The following FILIP1L variants were observed in gnomAD, a reference collection of about 807,000 sequenced individuals.
FILIP1L encodes filamin A-interacting protein 1-like.
FILIP1L carries 55 observed loss-of-function variants against 96.6 expected under a neutral mutation model. The observed-to-expected ratio is 0.57, with a 90% CI of 0.46 to 0.71. The LOEUF (loss-of-function observed/expected upper bound fraction) is 0.71, where lower values mean the gene tolerates loss of function less well. Among genes scored for constraint, FILIP1L ranks in the 30% least tolerant of loss-of-function variants. FILIP1L has a pLI of 0.00. For missense variants in FILIP1L, 1,304 were observed against 1,321.2 expected (o/e 0.99, Z 0.20); for synonymous variants, 467 against 473.9 (o/e 0.99, Z 0.19).
At chr3:99,946,266 T>A (rs1007988298) in intron 1 of FILIP1L, among the ~76,000 whole-genome samples, 1 of 152,204 alleles carries the variant, frequency 6.6e-6, no homozygotes, top group African/African-American at 2.4e-5. Context: ...GCTTTAAAGT[T>A]TTCTGAATTT....
chr3:99,876,086 C>G (rs982639575), intron 4 of FILIP1L: 59 of 986,350 alleles, frequency 6.0e-5, no homozygotes, highest in Non-Finnish European at 1.4e-5. Flanking sequence ...ACTGCCTGCG[C>G]CGGGGCCGGG....
At chr3:99,989,004 A>T (rs1007640755) in intron 1 of FILIP1L, among the ~76,000 whole-genome samples, 1 of 152,174 alleles carries the variant, frequency 6.6e-6, no homozygotes, top group African/African-American at 2.4e-5. Context: ...TACATTTTTT[A>T]TGGACTTCAA....
intron 1 of FILIP1L, chr3:100,109,848 T>C (rs919011033): frequency 6.6e-6 from 1 of 151,282 alleles, no homozygotes; most frequent in Non-Finnish European, 1.5e-5. Context: ...AACTCAGGAA[T>C]CATTGAAGGA....
intron 1 of FILIP1L, among the ~76,000 whole-genome samples, chr3:99,935,079 A>G (rs950578603): frequency 2.6e-5 from 4 of 152,204 alleles, no homozygotes; most frequent in African/African-American, 7.2e-5. Flanking sequence ...GTAATGAGAA[A>G]TAATTAAGTA....
intron 1 of FILIP1L, chr3:100,051,089 A>G (rs2065364074): frequency 6.6e-6 from 1 of 152,194 alleles, no homozygotes; most frequent in Non-Finnish European, 1.5e-5. Flanking sequence ...TTTTTAAACC[A>G]TCATTTGAAT....
Position 99,930,003 on chromosome 3 carries a change from T to C in FILIP1L, c.279A>G (p.Leu93=). The change falls in exon 3 of 6, where the codon TTA becomes TTG. Residue 93 remains leucine, a synonymous_variant. Coordinates refer to ENST00000477258, the MANE Select transcript of FILIP1L (RefSeq NM_001387850.1). ...AAGCCAGGTCCATTTTTTCAGCCTT[T>C]AAAATGCCTATGACCTCATCTCGAG... The part of the protein sequence containing the change: ...LQARDEVIGI[L]KAEKMDLALL... 6.2e-7 allele frequency: 1 copy of C among 1,613,606 alleles called. No individual in the cohort carries two copies. Among genetic ancestry groups the C allele is most frequent in the South Asian group, 1.1e-5 (1 of 90,996 alleles).
chr3:99,946,902 A>C lies in FILIP1L; in HGVS notation c.-10-15872T>G, dbSNP rs146499342. 4.1e-3 allele frequency among the ~76,000 whole-genome samples: 630 copies of C among 152,262 alleles called. 8 individuals are homozygous for C. The highest frequency in any genetic ancestry group is 0.014 in the African/African-American group (602 of 41,536). On this transcript the variant is annotated intron_variant, in intron 1 of 5. Coordinates refer to ENST00000477258, the MANE Select transcript of FILIP1L (RefSeq NM_001387850.1). ...TCATTTGTTGCACAGGTGCTAACAG[A>C]GGTGGGCGGATCTCCTGAGGTCTGG...
At chr3:100,010,629 T>C (rs1710119646) in intron 1 of FILIP1L, among the ~76,000 whole-genome samples, 2 of 151,634 alleles carry the variant, frequency 1.3e-5, no homozygotes, top group Non-Finnish European at 2.9e-5. Flanking sequence ...TTTTTTTGTT[T>C]TTGGAGATGG....
intron 1 of FILIP1L, among the ~76,000 whole-genome samples, chr3:99,937,317 T>C (rs1707710105): frequency 6.6e-6 from 1 of 152,250 alleles, no homozygotes; most frequent in African/African-American, 2.4e-5. Flanking sequence ...GTGAGTAACA[T>C]AAATTCACAA....
At chr3:99,883,845 G>C (rs1359664235) in intron 4 of FILIP1L, among the ~76,000 whole-genome samples, 2 of 152,216 alleles carry the variant, frequency 1.3e-5, no homozygotes, top group East Asian at 3.8e-4. Flanking sequence ...CTGAGGAACA[G>C]AGAGGTTAGG....
At chr3:99,909,347 G>T (rs1191929807) in intron 4 of FILIP1L, among the ~76,000 whole-genome samples, 1 of 152,152 alleles carries the variant, frequency 6.6e-6, no homozygotes, top group Non-Finnish European at 1.5e-5. Context: ...TGTACCATGT[G>T]CTTGTGTATG....
chr3:99,992,292 A>T (rs1398463956), intron 1 of FILIP1L, among the ~76,000 whole-genome samples: 2 of 152,058 alleles, frequency 1.3e-5, no homozygotes, highest in Non-Finnish European at 2.9e-5. Flanking sequence ...CATCAACAGT[A>T]TATAAGTGTT....
At chr3:100,050,134 T>C (rs1018932061) in intron 1 of FILIP1L, among the ~76,000 whole-genome samples, 1 of 152,192 alleles carries the variant, frequency 6.6e-6, no homozygotes, top group Non-Finnish European at 1.5e-5. Flanking sequence ...GGGGTAGTGT[T>C]CGGGGGCAAA....
chr3:100,092,461 T>C (rs573115144), intron 1 of FILIP1L, among the ~76,000 whole-genome samples: 3 of 152,090 alleles, frequency 2.0e-5, no homozygotes, highest in East Asian at 3.9e-4. Flanking sequence ...ATGAATGTAG[T>C]TGGATTCTCA....
At chr3:100,113,002 C>G (rs1255946697) in intron 1 of FILIP1L, among the ~76,000 whole-genome samples, 1 of 152,186 alleles carries the variant, frequency 6.6e-6, no homozygotes, top group Non-Finnish European at 1.5e-5. Flanking sequence ...AATGCATTCT[C>G]TCTAGTATTA....
intron 4 of FILIP1L, among the ~76,000 whole-genome samples, chr3:99,857,028 C>A (rs933082762): frequency 6.6e-6 from 1 of 152,192 alleles, no homozygotes; most frequent in Non-Finnish European, 1.5e-5. Flanking sequence ...GTATCACTGT[C>A]TGATTCATTT....
At chr3:99,836,832 C>G (rs1942919046) in intron 5 of FILIP1L, among the ~76,000 whole-genome samples, 1 of 152,238 alleles carries the variant, frequency 6.6e-6, no homozygotes, top group Admixed American at 6.5e-5. Flanking sequence ...GCTGGCCCCT[C>G]AGCCATTGTG....
At chr3:100,052,873 CTTG>C (rs758310117) in intron 1 of FILIP1L, among the ~76,000 whole-genome samples, 7 of 151,816 alleles carry the variant, frequency 4.6e-5, no homozygotes, top group African/African-American at 1.2e-4. Context: ...CCTTAAGTGC[CTTG>C]TTATTATTTT....
At chr3:99,911,689 T>A (rs1284276209) in intron 4 of FILIP1L, among the ~76,000 whole-genome samples, 1 of 152,238 alleles carries the variant, frequency 6.6e-6, no homozygotes, top group Admixed American at 6.5e-5. Flanking sequence ...ATTCGCTCCC[T>A]GCAGAGCTAA....
Sources: gnomAD v4.1 joint callset for allele counts (sites outside exome capture counted in the v4.1 genomes callset) on GRCh38, gnomAD v4.1.1 for gene constraint, MANE v1.5 for transcripts, NCBI Gene and HGNC (gene_info 2026-07-23, HGNC 2026-07-21) for gene names.